Variants in CELF2 observed in about 807,000 individuals in gnomAD.
The protein encoded by CELF2 is CUGBP Elav-like family member 2.
A neutral mutation model predicts 62.6 loss-of-function variants in CELF2; 8 were observed. The ratio of observed to expected loss-of-function variants is 0.13; its 90% CI spans 0.07 to 0.23. The LOEUF is 0.23. Among genes scored for constraint, CELF2 ranks in the 10% least tolerant of loss-of-function variants. The probability of loss-of-function intolerance (pLI) is 1.00; values close to 1 mark genes in which losing one functional copy is unlikely to be tolerated. For missense variants in CELF2, 333 were observed against 671.0 expected, an observed-to-expected ratio of 0.50 and a Z score of 5.56; for synonymous variants, 258 against 250.0, an observed-to-expected ratio of 1.03 and a Z score of -0.30.
At chr10:11,175,396 AATATG>A (rs1308131485) in intron 2 of CELF2, among the ~76,000 whole-genome samples, 1 of 152,220 alleles carries the variant, frequency 6.6e-6, no homozygotes, top group Non-Finnish European at 1.5e-5. Flanking sequence ...AAAAAGAGAG[AATATG>A]ATTGAAGTTT....
At position 11,243,232 on chromosome 10, in the gene CELF2, G is replaced by A. The variant is rs1489225876; in HGVS notation, c.355-5921G>A. ...TCTAGTTCCTTCTCCCCGGGAGGGA[G>A]AAAGGGAAGGAGCCTTTGAAATTTC... On this transcript the variant is annotated intron_variant, in intron 3 of 12. Transcript: ENST00000633077. This position sits in a 1 kb window ranked among gnomAD's most constrained non-coding sequence, Gnocchi z 4.1. Among the ~76,000 whole-genome samples the A allele has an allele frequency of 6.6e-6, 1 of 152,010 alleles. No homozygotes were observed. Among genetic ancestry groups the A allele is most frequent in the South Asian group, 2.1e-4 (1 of 4,828 alleles).
At chr10:10,545,160 C>G in the CELF2 span, among the ~76,000 whole-genome samples, 1 of 152,132 alleles carries the variant, frequency 6.6e-6, no homozygotes, top group Non-Finnish European at 1.5e-5. Flanking sequence ...TAAGATTATG[C>G]TTTCTATTTT....
intron 1 of CELF2, among the ~76,000 whole-genome samples, chr10:11,107,786 T>G (rs1186752042): frequency 6.9e-6 from 1 of 145,962 alleles, no homozygotes; most frequent in East Asian, 2.1e-4. Context: ...CATTCTTCCT[T>G]TCCCCTTTCC....
rs139525004 is a variant in CELF2, at chr10:11,085,709, A to G, written c.74+67546A>G. Among the ~76,000 whole-genome samples the G allele has an allele frequency of 2.6e-3, 392 of 152,266 alleles. 2 individuals are homozygous for G. Among genetic ancestry groups the G allele is most frequent in the African/African-American group, 9.3e-3 (385 of 41,564 alleles). On this transcript the variant is annotated intron_variant, in intron 1 of 12. Transcript: ENST00000633077. ...CATCTGCTTCCCCAAGATGGGATCC[A>G]GTTATTGGGAGTTTTTTGTCCCCAC...
chr10:10,587,583 A>C, the CELF2 span, among the ~76,000 whole-genome samples: 2 of 152,214 alleles, frequency 1.3e-5, no homozygotes, highest in African/African-American at 4.8e-5. Context: ...CATCTTTAAC[A>C]TAACAATAAA....
chr10:10,666,861 C>CAA, the CELF2 span, among the ~76,000 whole-genome samples: 11 of 25,110 alleles, frequency 4.4e-4, no homozygotes, highest in Non-Finnish European at 5.1e-4. Flanking sequence ...GACTCCGTCT[C>CAA]AAAAAAAAAA....
chr10:10,909,674 G>A (rs929247953), intron 1 of CELF2, among the ~76,000 whole-genome samples: 2 of 152,200 alleles, frequency 1.3e-5, no homozygotes, highest in Non-Finnish European at 2.9e-5. Context: ...ATTGGCATTG[G>A]CTGTTAGGCG....
chr10:11,154,446 G>A (rs1315224431), intron 1 of CELF2, among the ~76,000 whole-genome samples: 2 of 152,246 alleles, frequency 1.3e-5, no homozygotes, highest in Admixed American at 6.5e-5. Flanking sequence ...ATGTGGTTTT[G>A]TAGCATGACA....
At chr10:10,686,424 G>GATC in the CELF2 span, among the ~76,000 whole-genome samples, 12 of 151,788 alleles carry the variant, frequency 7.9e-5, no homozygotes, top group African/African-American at 2.9e-4. Context: ...GCAGGGTTGT[G>GATC]ATCACCGCAT....
At chr10:10,884,037 C>G (rs944295387) in intron 1 of CELF2, among the ~76,000 whole-genome samples, 2 of 152,052 alleles carry the variant, frequency 1.3e-5, no homozygotes, top group Non-Finnish European at 2.9e-5. Context: ...TCTTCCTCCT[C>G]TTTGTCAGGA....
At chr10:10,763,164 A>T in the CELF2 span, among the ~76,000 whole-genome samples, 1 of 152,290 alleles carries the variant, frequency 6.6e-6, no homozygotes, top group South Asian at 2.1e-4. Context: ...GGAATAAACG[A>T]GATAATGTGT....
intron 1 of CELF2, among the ~76,000 whole-genome samples, chr10:10,895,726 G>T (rs2062501404): frequency 6.6e-6 from 1 of 151,956 alleles, no homozygotes; most frequent in Non-Finnish European, 1.5e-5. Flanking sequence ...CCAAAAACAT[G>T]GGCAAAATAT....
the CELF2 span, among the ~76,000 whole-genome samples, chr10:10,506,433 C>G: frequency 6.6e-6 from 1 of 152,066 alleles, no homozygotes; most frequent in African/African-American, 2.4e-5. Flanking sequence ...CAAATATTAT[C>G]AAAGTGACCA....
intron 1 of CELF2, among the ~76,000 whole-genome samples, chr10:10,826,323 G>A (rs1392555624): frequency 1.3e-5 from 2 of 152,084 alleles, no homozygotes; most frequent in African/African-American, 4.8e-5. Context: ...GGTCAAGATG[G>A]ACTTCAAATT....
chr10:10,833,931 C>G (rs958499848), intron 1 of CELF2, among the ~76,000 whole-genome samples: 8 of 152,170 alleles, frequency 5.3e-5, no homozygotes, highest in African/African-American at 1.9e-4. Flanking sequence ...AAAAACTGAA[C>G]TACCATTCAA....
chr10:10,580,939 T>C, the CELF2 span, among the ~76,000 whole-genome samples: 2 of 152,220 alleles, frequency 1.3e-5, no homozygotes, highest in Non-Finnish European at 2.9e-5. Flanking sequence ...ATGATTTACA[T>C]TTATAAATTT....
intron 1 of CELF2, among the ~76,000 whole-genome samples, chr10:11,135,408 A>G (rs983473274): frequency 6.6e-6 from 1 of 152,206 alleles, no homozygotes; most frequent in Non-Finnish European, 1.5e-5. Flanking sequence ...CTCATGCATT[A>G]TGTTTCTTTT....
At chr10:10,709,215 T>G in the CELF2 span, among the ~76,000 whole-genome samples, 9 of 152,186 alleles carry the variant, frequency 5.9e-5, no homozygotes, top group Admixed American at 5.9e-4. Context: ...TGAATTTGAA[T>G]TAGGCCAGTA....
At position 11,005,545 on chromosome 10, in the gene CELF2, A is replaced by C; in HGVS notation, c.53+105A>C. ...TCAAGTAGCTTCCTTACCTTAGAAG[A>C]GAAGGGGGGAAAAAGAATCTAAAGA... On this transcript the variant is annotated intron_variant, in intron 1 of 12. Coordinates refer to the CELF2 transcript ENST00000416382. This position sits in a 1 kb window ranked among gnomAD's most constrained non-coding sequence, Gnocchi z 4.3. The C allele has an allele frequency of 3.9e-6, 6 of 1,529,700 alleles. No homozygotes were observed. Among genetic ancestry groups the C allele is most frequent in the Non-Finnish European group, 5.4e-6 (6 of 1,108,484 alleles). 94.8% of individuals were successfully genotyped at this position (1,529,700 alleles called of 1,614,324 possible). A position where few individuals can be genotyped will look rare whatever the true frequency, so the allele number is the denominator to read the frequency against.
Sources: allele counts gnomAD v4.1 joint callset (sites outside exome capture counted in the v4.1 genomes callset), GRCh38; gene constraint gnomAD v4.1.1; non-coding constraint Gnocchi (gnomAD v3.1); transcripts MANE v1.5; gene names NCBI Gene and HGNC (gene_info 2026-07-23, HGNC 2026-07-21).